MNAT1: variants seen among roughly 807,000 people sequenced by gnomAD.
MNAT1 encodes CDK-activating kinase assembly factor MAT1.
Under a neutral mutation model 42.0 loss-of-function variants are expected in MNAT1, and 43 were observed. The observed-to-expected ratio is 1.02, with a 90% CI of 0.80 to 1.32. The LOEUF (loss-of-function observed/expected upper bound fraction) is 1.32, where lower values mean the gene tolerates loss of function less well. MNAT1 is among the 40% of genes most tolerant of loss of function. The pLI is 0.00. For synonymous variants in MNAT1, 118 were observed against 120.0 expected (o/e 0.98, Z 0.11); for missense variants, 306 against 350.4 (o/e 0.87, Z 1.01).
intron 1 of MNAT1, among the ~76,000 whole-genome samples, chr14:60,764,718 G>A (rs2030744265): frequency 6.6e-6 from 1 of 152,124 alleles, no homozygotes; most frequent in African/African-American, 2.4e-5. Flanking sequence ...ATCTCTTCTG[G>A]AACAAGGCAA....
chr14:60,796,213 A>G lies in MNAT1; in HGVS notation c.90-4A>G. ...AATGTTATGTTTTATTTCTGTCCTTACAGCTGTGAAAGTTGTGTAGATTTA... is the reference window on the plus strand; with the variant it reads ...AATGTTATGTTTTATTTCTGTCCTTGCAGCTGTGAAAGTTGTGTAGATTTA... On this transcript the variant is annotated splice_region_variant and splice_polypyrimidine_tract_variant and intron_variant, in intron 1 of 7. Transcript: ENST00000261245. The G allele has an allele frequency of 6.2e-7, 1 of 1,610,070 alleles. No homozygotes were observed. The highest frequency in any genetic ancestry group is 8.5e-7 in the Non-Finnish European group (1 of 1,178,384).
chr14:60,938,910 G>A (rs2139584033), intron 7 of MNAT1, among the ~76,000 whole-genome samples: 1 of 152,228 alleles, frequency 6.6e-6, no homozygotes, highest in East Asian at 1.9e-4. Context: ...CAATTTCAGA[G>A]CCTGTTATTG....
chr14:60,930,870 G>A (rs545604804), intron 7 of MNAT1, among the ~76,000 whole-genome samples: 2 of 151,952 alleles, frequency 1.3e-5, no homozygotes, highest in East Asian at 3.9e-4. Flanking sequence ...CCCCCTTTTT[G>A]TTCCTGTGTG....
intron 1 of MNAT1, among the ~76,000 whole-genome samples, chr14:60,782,114 G>A (rs1464928672): frequency 1.3e-5 from 2 of 151,668 alleles, no homozygotes. Context: ...TTGAATAACT[G>A]GTAACTATTT....
intron 6 of MNAT1, among the ~76,000 whole-genome samples, chr14:60,864,027 A>G (rs1258817774): frequency 2.6e-5 from 4 of 152,050 alleles, no homozygotes; most frequent in Admixed American, 6.6e-5. Context: ...TGAAGAAAAT[A>G]TTATTTTTGC....
intron 4 of MNAT1, among the ~76,000 whole-genome samples, chr14:60,811,298 CTTTTTTTT>C (rs569520885): frequency 1.2e-5 from 1 of 80,322 alleles, no homozygotes; most frequent in Non-Finnish European, 2.5e-5. Flanking sequence ...TCTATTCTTT[CTTTTTTTT>C]TTTTTTTTTT....
intron 3 of MNAT1, among the ~76,000 whole-genome samples, chr14:60,798,434 A>G (rs1447905897): frequency 6.6e-6 from 1 of 152,178 alleles, no homozygotes. Context: ...GGGTACATGC[A>G]TCTGTGTGTT....
chr14:60,832,597 G>A (rs1301602718), intron 6 of MNAT1, among the ~76,000 whole-genome samples: 1 of 152,068 alleles, frequency 6.6e-6, no homozygotes, highest in Non-Finnish European at 1.5e-5. Context: ...AGTATAGTTT[G>A]AAGTCAGGTA....
intron 7 of MNAT1, among the ~76,000 whole-genome samples, chr14:60,884,784 C>T (rs1218332443): frequency 1.3e-5 from 2 of 151,914 alleles, no homozygotes; most frequent in African/African-American, 4.8e-5. Flanking sequence ...TTACCATTAC[C>T]AGTGAATTTT....
intron 3 of MNAT1, among the ~76,000 whole-genome samples, chr14:60,801,112 A>G (rs568696912): frequency 4.6e-5 from 7 of 152,302 alleles, no homozygotes; most frequent in Admixed American, 2.6e-4. Flanking sequence ...AAGAGATGAC[A>G]TGTGAGTTTG....
intron 7 of MNAT1, among the ~76,000 whole-genome samples, chr14:60,935,825 G>A (rs1190221755): frequency 6.6e-6 from 1 of 152,126 alleles, no homozygotes; most frequent in African/African-American, 2.4e-5. Flanking sequence ...TGTAGATAAG[G>A]AAATTGAACA....
intron 7 of MNAT1, among the ~76,000 whole-genome samples, chr14:60,897,611 T>C (rs2034984202): frequency 6.6e-6 from 1 of 152,166 alleles, no homozygotes; most frequent in African/African-American, 2.4e-5. Context: ...TTTTTTTCTT[T>C]TACTGATACA....
rs1369349858 is a variant in MNAT1, at chr14:60,826,337, G to A, written c.687+7490G>A. 7.4e-5 allele frequency among the ~76,000 whole-genome samples: 8 copies of A among 107,504 alleles called. No homozygotes were observed. In the Admixed American group the frequency reaches 9.7e-4, roughly 13 times the overall value. The allele number at this position is 107,504 out of a possible 152,430, so 70.5% of individuals were successfully genotyped here. On this transcript the variant is annotated intron_variant, in intron 6 of 7. Coordinates refer to ENST00000261245, the MANE Select transcript of MNAT1 (RefSeq NM_002431.4). ...TTTTTTTTTTTTTTTTTTTTTTTGA[G>A]ATGGAGTCTCACTCTGTCCCCCAGG... is the stretch of plus-strand genomic sequence containing the variant.
chr14:60,963,749 C>A (rs1302259252), intron 7 of MNAT1, among the ~76,000 whole-genome samples: 3 of 152,184 alleles, frequency 2.0e-5, no homozygotes, highest in Non-Finnish European at 4.4e-5. Flanking sequence ...GTCTTAGTCT[C>A]TAGAGTTCAC....
intron 6 of MNAT1, among the ~76,000 whole-genome samples, chr14:60,862,161 T>G (rs1252808397): frequency 1.3e-5 from 2 of 152,222 alleles, no homozygotes; most frequent in East Asian, 3.8e-4. Context: ...ATTACTTTGC[T>G]CTTGCTAAAG....
Position 60,869,023 on chromosome 14 carries a change from C to CATATATATATATATATATATAT in MNAT1, c.688-10673_688-10672insATATATATATATATATATATAT, listed in dbSNP as rs1169429243. 6.8e-4 allele frequency among the ~76,000 whole-genome samples: 69 copies of CATATATATATATATATATATAT among 101,728 alleles called. 1 individual carries two copies. The highest frequency in any genetic ancestry group is 0.012 in the Middle Eastern group (2 of 166). The allele number at this position is 101,728 out of a possible 152,430, so 66.7% of individuals were successfully genotyped here. A position where few individuals can be genotyped will look rare whatever the true frequency, so the allele number is the denominator to read the frequency against. On this transcript the variant is annotated intron_variant, in intron 6 of 7. Transcript: ENST00000261245. ...CTTTTTTATATTGTGTTATTTTATACATATATATATATATATATTTTTTTT... is the reference window on the plus strand; with the variant it reads ...CTTTTTTATATTGTGTTATTTTATACATATATATATATATATATATATATATATATATATATATATTTTTTTT...
At chr14:60,940,696 C>T (rs1042711256) in intron 7 of MNAT1, among the ~76,000 whole-genome samples, 3 of 152,072 alleles carry the variant, frequency 2.0e-5, no homozygotes, top group South Asian at 4.1e-4. Context: ...GAATTACAGC[C>T]GTGAGCCACT....
In MNAT1 at chr14:60,942,003, CAAAAAAAAAAAA is replaced by C. The variant is rs3080602; in HGVS notation, c.810-26208_810-26197del. ...TGGGCGACAGAATGAGGCTCCATCT[CAAAAAAAAAAAA>C]AAAAAAAAAAAAAAAAAGTCAATAA... On this transcript the variant is annotated intron_variant, in intron 7 of 7. Transcript: ENST00000261245. 4.8e-3 allele frequency among the ~76,000 whole-genome samples: 143 copies of C among 29,954 alleles called. No homozygotes were observed. In the East Asian group the frequency reaches 0.099, roughly 21 times the overall value. 19.7% of individuals were successfully genotyped at this position (29,954 alleles called of 152,430 possible).
chr14:60,942,851 A>G (rs2036198889), intron 7 of MNAT1, among the ~76,000 whole-genome samples: 5 of 152,162 alleles, frequency 3.3e-5, no homozygotes, highest in Admixed American at 3.3e-4. Flanking sequence ...TGCAAAATCA[A>G]GTTTAACCTC....
Sources: allele counts gnomAD v4.1 joint callset (sites outside exome capture counted in the v4.1 genomes callset), GRCh38; gene constraint gnomAD v4.1.1; transcripts MANE v1.5; gene names NCBI Gene and HGNC (gene_info 2026-07-23, HGNC 2026-07-21).